Variants in GRID2 observed in about 807,000 individuals in gnomAD.
The protein encoded by GRID2 is glutamate receptor ionotropic, delta-2.
Under a neutral mutation model 114.8 loss-of-function variants are expected in GRID2, and 33 were observed. The ratio of observed to expected loss-of-function variants is 0.29; its 90% CI spans 0.22 to 0.38. The LOEUF is 0.38. Among genes scored for constraint, GRID2 ranks in the 10% least tolerant of loss-of-function variants. GRID2 has a pLI of 1.00. For missense variants in GRID2, 1,184 were observed against 1,257.7 expected, an observed-to-expected ratio of 0.94 and a Z score of 0.89; for synonymous variants, 505 against 449.9, an observed-to-expected ratio of 1.12 and a Z score of -1.55.
rs1024399719 is a variant in GRID2, at chr4:93,644,128, C to T, written c.2360+17693C>T. Among the ~76,000 whole-genome samples the T allele has an allele frequency of 4.7e-5, 4 of 85,734 alleles. 1 individual carries two copies. Among genetic ancestry groups the T allele is most frequent in the Non-Finnish European group, 9.0e-5 (4 of 44,644 alleles). The allele number at this position is 85,734 out of a possible 152,430, so 56.2% of individuals were successfully genotyped here. A position where few individuals can be genotyped will look rare whatever the true frequency, so the allele number is the denominator to read the frequency against. ...GACTCGGAAAGGGAACTCCCTGACCCCTTGCGCTTCCCAGGTGAGGCAATG... is the reference window on the plus strand; with the variant it reads ...GACTCGGAAAGGGAACTCCCTGACCTCTTGCGCTTCCCAGGTGAGGCAATG... On this transcript the variant is annotated intron_variant, in intron 14 of 15. Transcript: ENST00000282020.
chr4:93,001,710 A>G (rs1390171941), intron 2 of GRID2, among the ~76,000 whole-genome samples: 2 of 151,696 alleles, frequency 1.3e-5, no homozygotes. Context: ...ATGTTTACAG[A>G]GAATCTGCCA....
intron 4 of GRID2, among the ~76,000 whole-genome samples, chr4:93,173,813 G>T (rs570377770): frequency 3.9e-5 from 6 of 151,986 alleles, no homozygotes; most frequent in Non-Finnish European, 8.8e-5. Flanking sequence ...TATGTTTTTG[G>T]TAGAGACAGG....
At chr4:92,624,436 A>C (rs546716930) in intron 2 of GRID2, among the ~76,000 whole-genome samples, 38 of 151,978 alleles carry the variant, frequency 2.5e-4, no homozygotes, top group African/African-American at 8.7e-4. Flanking sequence ...TGTTTTGATC[A>C]CTGGATGTAA....
intron 13 of GRID2, among the ~76,000 whole-genome samples, chr4:93,532,767 T>C (rs1255587213): frequency 4.2e-4 from 64 of 152,208 alleles, no homozygotes; most frequent in Non-Finnish European, 1.2e-4. Flanking sequence ...CTTTCTGCTT[T>C]AGGGAATCTA....
chr4:93,464,683 AT>A (rs1229380898), intron 11 of GRID2, among the ~76,000 whole-genome samples: 1 of 152,086 alleles, frequency 6.6e-6, no homozygotes, highest in Non-Finnish European at 1.5e-5. Flanking sequence ...TTTTATGGCA[AT>A]TTTTTTCTTT....
chr4:93,726,204 G>T (rs751423195), intron 14 of GRID2, among the ~76,000 whole-genome samples: 1 of 152,134 alleles, frequency 6.6e-6, no homozygotes, highest in East Asian at 1.9e-4. Context: ...TCTACATATG[G>T]CTAGCCAGTT....
intron 6 of GRID2, among the ~76,000 whole-genome samples, chr4:93,219,496 T>A (rs1281961880): frequency 6.6e-6 from 1 of 152,152 alleles, no homozygotes; most frequent in Non-Finnish European, 1.5e-5. Context: ...ACTTTTGCGT[T>A]GAGGATTTGT....
chr4:92,476,027 T>C (rs1722295803), intron 1 of GRID2, among the ~76,000 whole-genome samples: 1 of 148,370 alleles, frequency 6.7e-6, no homozygotes. Flanking sequence ...GTGCTTCTTT[T>C]TTTTTTTTTT....
At position 93,383,746 on chromosome 4, in the gene GRID2, A is replaced by G. The variant is rs568076254; in HGVS notation, c.1246-11861A>G. Among the ~76,000 whole-genome samples the G allele has an allele frequency of 1.5e-4, 23 of 152,280 alleles. No individual in the cohort carries two copies. The South Asian group carries it at 3.1e-3, about 21-fold the overall frequency. ...CCCCTACACAGCTCACATCTCACTC[A>G]CAACTTTGGTTTTCCCCTGCTCTGG... On this transcript the variant is annotated intron_variant, in intron 8 of 15. Coordinates refer to ENST00000282020, the MANE Select transcript of GRID2 (RefSeq NM_001510.4).
intron 2 of GRID2, among the ~76,000 whole-genome samples, chr4:93,049,228 A>T (rs1009441932): frequency 2.4e-4 from 36 of 152,128 alleles, no homozygotes; most frequent in Non-Finnish European, 4.4e-4. Context: ...ATGAATTTCA[A>T]AATAATACAT....
chr4:92,880,890 TTTTTGTTTTGTTTTG>T (rs772762358), intron 2 of GRID2, among the ~76,000 whole-genome samples: 1 of 151,462 alleles, frequency 6.6e-6, no homozygotes, highest in Non-Finnish European at 1.5e-5. Flanking sequence ...CCCGGGTAGT[TTTTTGTTTTGTTTTG>T]TTTTGTTTTA....
In GRID2 at chr4:92,408,431, C is replaced by CTTTTT. The variant is rs35638036; in HGVS notation, c.88+103715_88+103719dup. On this transcript the variant is annotated intron_variant, in intron 1 of 15. Coordinates refer to ENST00000282020, the MANE Select transcript of GRID2 (RefSeq NM_001510.4). ...TACAATTATATTGCCTATTCAAGCTCTTTTTTTTTTTTTTTTTTTTTTTTT... is the reference window on the plus strand; with the variant it reads ...TACAATTATATTGCCTATTCAAGCTCTTTTTTTTTTTTTTTTTTTTTTTTTTTTTT... Among the ~76,000 whole-genome samples the CTTTTT allele has an allele frequency of 3.4e-3, 65 of 19,400 alleles. 6 individuals are homozygous for CTTTTT. The highest frequency in any genetic ancestry group is 5.3e-3 in the Non-Finnish European group (47 of 8,808). The allele number at this position is 19,400 out of a possible 152,430, so 12.7% of individuals were successfully genotyped here.
chr4:92,727,192 CAT>C (rs1385770092), intron 2 of GRID2, among the ~76,000 whole-genome samples: 1 of 151,932 alleles, frequency 6.6e-6, no homozygotes, highest in African/African-American at 2.4e-5. Flanking sequence ...AATGTGAAGT[CAT>C]AGCCCTTTTA....
At chr4:92,935,336 T>C (rs1750580694) in intron 2 of GRID2, among the ~76,000 whole-genome samples, 1 of 146,926 alleles carries the variant, frequency 6.8e-6, no homozygotes, top group South Asian at 2.3e-4. Context: ...CACAATGAGA[T>C]ACCATCTCAC....
intron 2 of GRID2, among the ~76,000 whole-genome samples, chr4:92,723,014 T>A (rs917527261): frequency 1.3e-5 from 2 of 152,144 alleles, no homozygotes; most frequent in South Asian, 4.1e-4. Flanking sequence ...AGAAAGACTT[T>A]CAGAAATAAG....
intron 1 of GRID2, among the ~76,000 whole-genome samples, chr4:92,569,364 G>A (rs986533268): frequency 6.7e-5 from 8 of 119,934 alleles, no homozygotes; most frequent in Admixed American, 5.4e-4. Flanking sequence ...TCTTTATCCT[G>A]TCTAACATTG....
At position 93,243,107 on chromosome 4, in the gene GRID2, A is replaced by AT. The variant is rs201570491; in HGVS notation, c.1245+4625dup. ...ACCTTGTATACCTTTGACACTTGAAATTTTTTTTGCATTGTTTTACAAATT... is the reference window on the plus strand; with the variant it reads ...ACCTTGTATACCTTTGACACTTGAAATTTTTTTTTGCATTGTTTTACAAATT... On this transcript the variant is annotated intron_variant, in intron 8 of 15. Transcript: ENST00000282020. 3.6e-3 allele frequency among the ~76,000 whole-genome samples: 550 copies of AT among 151,814 alleles called. 4 individuals carry two copies. Among genetic ancestry groups the AT allele is most frequent in the African/African-American group, 0.013 (522 of 41,448 alleles).
At chr4:92,479,403 A>T (rs1308387785) in intron 1 of GRID2, among the ~76,000 whole-genome samples, 1 of 152,190 alleles carries the variant, frequency 6.6e-6, no homozygotes, top group East Asian at 1.9e-4. Context: ...GATTAAAAAA[A>T]TGCCTAAATT....
chr4:93,609,387 C>A lies in GRID2; in HGVS notation c.2194-16882C>A, dbSNP rs1211067633. Among the ~76,000 whole-genome samples the A allele has an allele frequency of 1.3e-4, 11 of 83,412 alleles. No individual in the cohort carries two copies. In the East Asian group the frequency reaches 2.5e-3, roughly 19 times the overall value. The allele number at this position is 83,412 out of a possible 152,430, so 54.7% of individuals were successfully genotyped here. On this transcript the variant is annotated intron_variant, in intron 13 of 15. Coordinates refer to ENST00000282020, the MANE Select transcript of GRID2 (RefSeq NM_001510.4). ...GTGTTTTGGGCATGAAGTCCTTGCCCACGCCTATGTCCTGAATGGTAATGC... is the reference window on the plus strand; with the variant it reads ...GTGTTTTGGGCATGAAGTCCTTGCCAACGCCTATGTCCTGAATGGTAATGC...
Sources: allele counts gnomAD v4.1 joint callset (sites outside exome capture counted in the v4.1 genomes callset), GRCh38; gene constraint gnomAD v4.1.1; transcripts MANE v1.5; gene names NCBI Gene and HGNC (gene_info 2026-07-23, HGNC 2026-07-21).